The following BTBD10 variants were observed in gnomAD, a reference collection of about 807,000 sequenced individuals.
The protein encoded by BTBD10 is BTB/POZ domain-containing protein 10.
In BTBD10, 21 loss-of-function variants were observed where a neutral mutation model predicts 53.2. The ratio of observed to expected loss-of-function variants is 0.39; its 90% confidence interval spans 0.28 to 0.57. The LOEUF (loss-of-function observed/expected upper bound fraction) is 0.57, where lower values mean the gene tolerates loss of function less well. Ranked by LOEUF, BTBD10 falls within the 20% of genes least tolerant of loss-of-function variation. The pLI is 0.53. For missense variants in BTBD10, 360 were observed against 594.7 expected, an observed-to-expected ratio of 0.61 and a Z score of 4.10; for synonymous variants, 149 against 192.7, an observed-to-expected ratio of 0.77 and a Z score of 1.88.
At chr11:13,405,528 A>G in intron 7 of BTBD10, 131 bp downstream of exon 7, 1 of 984,898 alleles carries the variant, frequency 1.0e-6, no homozygotes, top group South Asian at 1.6e-5. Context: ...CAATACATAA[A>G]ACTTAATTTA....
intron 1 of BTBD10, among the ~76,000 whole-genome samples, chr11:13,461,367 T>C (rs1167394501): frequency 6.6e-6 from 1 of 152,190 alleles, no homozygotes; most frequent in Non-Finnish European, 1.5e-5. Context: ...CATATTCTTA[T>C]ATAGCACTGA....
chr11:13,438,893 C>G (rs1299024250), intron 2 of BTBD10, among the ~76,000 whole-genome samples: 1 of 151,864 alleles, frequency 6.6e-6, no homozygotes, highest in East Asian at 1.9e-4. Flanking sequence ...TTTTATAACT[C>G]TATTTAATAA....
At chr11:13,452,625 A>G (rs546169716) in intron 1 of BTBD10, among the ~76,000 whole-genome samples, 4 of 152,152 alleles carry the variant, frequency 2.6e-5, no homozygotes, top group African/African-American at 9.7e-5. Flanking sequence ...AACGACATAC[A>G]TAAACTTTTG....
At chr11:13,401,054 T>A (rs1351824061) in intron 8 of BTBD10, among the ~76,000 whole-genome samples, 1 of 151,858 alleles carries the variant, frequency 6.6e-6, no homozygotes, top group East Asian at 1.9e-4. Flanking sequence ...ATTCTTTAAT[T>A]TTGTTGGGTA....
At chr11:13,410,614 C>CA (rs989849442) in intron 6 of BTBD10, among the ~76,000 whole-genome samples, 9 of 150,156 alleles carry the variant, frequency 6.0e-5, no homozygotes, top group African/African-American at 1.5e-4. Flanking sequence ...TTTGACAGGA[C>CA]AAAAAAAAGA....
At chr11:13,423,942 T>C (rs1362323346) in intron 2 of BTBD10, among the ~76,000 whole-genome samples, 2 of 152,052 alleles carry the variant, frequency 1.3e-5, no homozygotes, top group African/African-American at 2.4e-5. Flanking sequence ...GAAAAAAAAT[T>C]AGAGGACAGC....
intron 2 of BTBD10, among the ~76,000 whole-genome samples, chr11:13,438,463 C>A (rs543958652): frequency 1.6e-4 from 24 of 151,944 alleles, no homozygotes; most frequent in African/African-American, 2.2e-4. Context: ...CAGAAAAATG[C>A]GGATTGGTGA....
At chr11:13,397,335 G>T (rs931831652) in intron 8 of BTBD10, among the ~76,000 whole-genome samples, 3 of 152,280 alleles carry the variant, frequency 2.0e-5, no homozygotes, top group East Asian at 1.9e-4. Context: ...GCATAGAGGT[G>T]TTTATAGTAT....
At chr11:13,412,826 C>T (rs1421859878) in intron 6 of BTBD10, among the ~76,000 whole-genome samples, 1 of 152,208 alleles carries the variant, frequency 6.6e-6, no homozygotes, top group Non-Finnish European at 1.5e-5. Context: ...CCTAAGTCAA[C>T]ATTTGATACT....
chr11:13,440,717 G>A (rs549098463), intron 2 of BTBD10, among the ~76,000 whole-genome samples: 2 of 152,170 alleles, frequency 1.3e-5, no homozygotes, highest in African/African-American at 4.8e-5. Context: ...GAAACCTTGC[G>A]GCATAGTCTA....
At chr11:13,413,502 C>T (rs1327784637) in intron 6 of BTBD10, 28 bp downstream of exon 6, 5 of 1,580,984 alleles carry the variant, frequency 3.2e-6, no homozygotes, top group South Asian at 1.2e-5. Flanking sequence ...ATTCTACAAA[C>T]CACTTACACA....
chr11:13,420,052 AAAATAG>A (rs1950211947), intron 3 of BTBD10, among the ~76,000 whole-genome samples: 1 of 152,156 alleles, frequency 6.6e-6, no homozygotes, highest in Non-Finnish European at 1.5e-5. Context: ...ACTCCACTTA[AAAATAG>A]AAACCCAAGG....
chr11:13,409,774 T>C (rs571798278), intron 6 of BTBD10, among the ~76,000 whole-genome samples: 29 of 152,338 alleles, frequency 1.9e-4, no homozygotes, highest in African/African-American at 7.0e-4. Context: ...CAGCTTTTAT[T>C]ACTTGTTAAA....
chr11:13,389,794 C>T (rs1428014582), intron 8 of BTBD10, among the ~76,000 whole-genome samples: 1 of 152,232 alleles, frequency 6.6e-6, no homozygotes, highest in African/African-American at 2.4e-5. Context: ...GCCACATTAG[C>T]CTGCTAGTTT....
rs201027120 is a variant in BTBD10 at position 13,405,341 on chromosome 11, GA to G, written c.1006+317del. 5.7e-3 allele frequency: 1,080 copies of G among 189,032 alleles called. 16 individuals are homozygous for G. Among genetic ancestry groups the G allele is most frequent in the African/African-American group, 0.024 (1,027 of 42,964 alleles). The allele number at this position is 189,032 out of a possible 1,614,324, so 11.7% of individuals were successfully genotyped here. ...TCTCCTGAATGCTTTTAAATACAAA[GA>G]AAAAAAATCTATCAAGTTCCAGAGA... On this transcript the variant is annotated intron_variant, in intron 7 of 8. Transcript: ENST00000278174.
intron 6 of BTBD10, among the ~76,000 whole-genome samples, chr11:13,407,851 C>T (rs1025672364): frequency 6.6e-6 from 1 of 152,156 alleles, no homozygotes; most frequent in Non-Finnish European, 1.5e-5. Flanking sequence ...TTCTGGAATG[C>T]TTTTTCTTCA....
intron 7 of BTBD10, among the ~76,000 whole-genome samples, chr11:13,405,018 T>C (rs888186773): frequency 6.6e-6 from 1 of 152,118 alleles, no homozygotes; most frequent in African/African-American, 2.4e-5. Context: ...TTCTTCCTTA[T>C]TTATAAAACT....
At chr11:13,414,854 A>AG (rs1363871750) in intron 5 of BTBD10, among the ~76,000 whole-genome samples, 3 of 149,840 alleles carry the variant, frequency 2.0e-5, no homozygotes, top group Non-Finnish European at 4.5e-5. Flanking sequence ...GAAAAAAAAA[A>AG]AAAAAAAAAA....
intron 8 of BTBD10, among the ~76,000 whole-genome samples, chr11:13,396,243 G>A (rs1449234765): frequency 6.6e-6 from 1 of 152,096 alleles, no homozygotes; most frequent in Non-Finnish European, 1.5e-5. Flanking sequence ...TCTCCTTGAA[G>A]AGGTCCTTCA....
Sources: gnomAD v4.1 joint callset for allele counts (sites outside exome capture counted in the v4.1 genomes callset) on GRCh38, gnomAD v4.1.1 for gene constraint, MANE v1.5 for transcripts, NCBI Gene and HGNC (gene_info 2026-07-23, HGNC 2026-07-21) for gene names.